PLCXD3: variants seen among roughly 807,000 people sequenced by gnomAD.
PLCXD3 encodes phosphatidylinositol specific phospholipase C X domain containing 3, also known as PI-PLC X domain-containing protein 3.
A neutral mutation model predicts 25.5 loss-of-function variants in PLCXD3; 19 were observed. That is an observed-to-expected ratio of 0.75 (90% CI 0.52 to 1.09). PLCXD3 has a LOEUF of 1.09. Among genes scored for constraint, PLCXD3 ranks in the 50% least tolerant of loss-of-function variants. The probability of loss-of-function intolerance (pLI) is 0.00; values close to 1 mark genes in which losing one functional copy is unlikely to be tolerated. For missense variants in PLCXD3, 411 were observed against 388.1 expected, an observed-to-expected ratio of 1.06 and a Z score of -0.50; for synonymous variants, 174 against 137.6, an observed-to-expected ratio of 1.26 and a Z score of -1.85.
At chr5:41,350,219 G>A (rs374039681) in intron 2 of PLCXD3, among the ~76,000 whole-genome samples, 1 of 151,844 alleles carries the variant, frequency 6.6e-6, no homozygotes, top group South Asian at 2.1e-4. Flanking sequence ...TTTAAATTCC[G>A]TCCTCTGTTT....
chr5:41,410,074 A>G (rs1212698162), intron 1 of PLCXD3, among the ~76,000 whole-genome samples: 1 of 152,120 alleles, frequency 6.6e-6, no homozygotes, highest in Admixed American at 6.5e-5. Flanking sequence ...CAAAGAAAAT[A>G]CTGCCACAGC....
At chr5:41,395,643 A>G (rs983929212) in intron 1 of PLCXD3, among the ~76,000 whole-genome samples, 3 of 152,158 alleles carry the variant, frequency 2.0e-5, no homozygotes, top group Admixed American at 1.3e-4. Context: ...GATACTGCAG[A>G]AATTCAAAGG....
intron 1 of PLCXD3, among the ~76,000 whole-genome samples, chr5:41,482,347 T>G (rs1375038445): frequency 4.6e-5 from 7 of 152,180 alleles, no homozygotes; most frequent in African/African-American, 1.7e-4. Context: ...GAAGAGAAAT[T>G]GTCTTTGTAG....
At chr5:41,489,484 G>C (rs2150525052) in intron 1 of PLCXD3, among the ~76,000 whole-genome samples, 1 of 152,278 alleles carries the variant, frequency 6.6e-6, no homozygotes, top group Non-Finnish European at 1.5e-5. Context: ...TTGGTAGCTT[G>C]ATGGGGATGG....
intron 1 of PLCXD3, among the ~76,000 whole-genome samples, chr5:41,488,039 G>T (rs984510457): frequency 8.8e-5 from 13 of 147,646 alleles, no homozygotes; most frequent in Admixed American, 6.7e-5. Context: ...TTAGCATTAG[G>T]TATATCTCCT....
intron 2 of PLCXD3, among the ~76,000 whole-genome samples, chr5:41,341,638 T>C (rs1306359220): frequency 2.6e-5 from 4 of 152,200 alleles, no homozygotes; most frequent in Admixed American, 1.3e-4. Context: ...ATATTACCTC[T>C]TGTAGCTATG....
intron 1 of PLCXD3, among the ~76,000 whole-genome samples, chr5:41,493,767 G>A (rs1188743597): frequency 2.0e-5 from 3 of 152,170 alleles, no homozygotes; most frequent in Admixed American, 6.5e-5. Flanking sequence ...CTCCTGGTGC[G>A]CCGTTTTTTA....
intron 1 of PLCXD3, among the ~76,000 whole-genome samples, chr5:41,493,366 T>G (rs1054357643): frequency 1.3e-5 from 2 of 152,212 alleles, no homozygotes; most frequent in Non-Finnish European, 2.9e-5. Context: ...CCAGTTAGGC[T>G]GCTCAGGGGT....
At chr5:41,347,216 T>C (rs182588152) in intron 2 of PLCXD3, among the ~76,000 whole-genome samples, 1 of 152,328 alleles carries the variant, frequency 6.6e-6, no homozygotes, top group African/African-American at 2.4e-5. Flanking sequence ...TGGTATCTTG[T>C]TTTAATAAAT....
intron 2 of PLCXD3, among the ~76,000 whole-genome samples, chr5:41,374,185 G>A (rs573110138): frequency 8.0e-4 from 122 of 152,210 alleles, no homozygotes; most frequent in African/African-American, 2.8e-3. Flanking sequence ...GTGAGTATGA[G>A]CAGTGCTACT....
intron 1 of PLCXD3, among the ~76,000 whole-genome samples, chr5:41,424,031 C>G (rs563591416): frequency 6.6e-6 from 1 of 152,130 alleles, no homozygotes; most frequent in Admixed American, 6.5e-5. Flanking sequence ...ACTATAGTCA[C>G]ACTGCTATAC....
chr5:41,458,325 G>A (rs1428537796), intron 1 of PLCXD3, among the ~76,000 whole-genome samples: 2 of 151,840 alleles, frequency 1.3e-5, no homozygotes, highest in Non-Finnish European at 2.9e-5. Context: ...TAGTAAAAGT[G>A]AAAGATTAGA....
At chr5:41,388,481 C>A (rs1745708524) in intron 1 of PLCXD3, among the ~76,000 whole-genome samples, 1 of 152,048 alleles carries the variant, frequency 6.6e-6, no homozygotes, top group Non-Finnish European at 1.5e-5. Context: ...AATTCCACTG[C>A]CCTGAATGGT....
chr5:41,506,789 A>G (rs1344905561), intron 1 of PLCXD3, among the ~76,000 whole-genome samples: 1 of 152,252 alleles, frequency 6.6e-6, no homozygotes, highest in Non-Finnish European at 1.5e-5. Context: ...GGAAATGAAC[A>G]AAATTCACAG....
At chr5:41,381,743 A>G (rs1745466654) in intron 2 of PLCXD3, 83 bp downstream of exon 2, 2 of 1,319,748 alleles carry the variant, frequency 1.5e-6, no homozygotes, top group Non-Finnish European at 1.0e-6. Flanking sequence ...ACATAGGTAT[A>G]ATTTCAGCTT....
rs1743208332 is a variant in PLCXD3, at chr5:41,313,704, G to A, written c.879C>T (p.Val293=). The A allele has an allele frequency of 1.2e-6, 2 of 1,613,700 alleles. No individual in the cohort carries two copies. Among genetic ancestry groups the A allele is most frequent in the Admixed American group, 1.7e-5 (1 of 59,986 alleles). Residue 293 remains valine (V), a synonymous_variant, in exon 3 of 3, where the codon GTC becomes GTT. Transcript: ENST00000377801. ...QKPGESGINI[V]TADFVELGDF... is the part of the protein sequence containing the mutation. ...CACCAAGTTCTACAAAATCGGCAGTGACAATATTGATGCCACTCTCTCCTG... is the reference window on the plus strand; with the variant it reads ...CACCAAGTTCTACAAAATCGGCAGTAACAATATTGATGCCACTCTCTCCTG...
intron 1 of PLCXD3, among the ~76,000 whole-genome samples, chr5:41,506,092 G>A (rs1326109244): frequency 6.6e-6 from 1 of 152,192 alleles, no homozygotes; most frequent in Non-Finnish European, 1.5e-5. Flanking sequence ...GATGTGTGAT[G>A]TGCAGAGTCT....
intron 2 of PLCXD3, among the ~76,000 whole-genome samples, chr5:41,336,265 C>G (rs1337617791): frequency 6.6e-6 from 1 of 152,110 alleles, no homozygotes; most frequent in Non-Finnish European, 1.5e-5. Flanking sequence ...AGAGTGAAGA[C>G]TTTGGAGCAG....
chr5:41,438,389 T>C (rs1396156248), intron 1 of PLCXD3, among the ~76,000 whole-genome samples: 2 of 152,158 alleles, frequency 1.3e-5, no homozygotes, highest in African/African-American at 2.4e-5. Context: ...AAAACCGGAC[T>C]GCTGGCCCTG....
Sources: gnomAD v4.1 joint callset for allele counts (sites outside exome capture counted in the v4.1 genomes callset) on GRCh38, gnomAD v4.1.1 for gene constraint, MANE v1.5 for transcripts, NCBI Gene and HGNC (gene_info 2026-07-23, HGNC 2026-07-21) for gene names.